LCORL: variants seen among roughly 807,000 people sequenced by gnomAD.
LCORL encodes ligand-dependent nuclear receptor corepressor-like protein.
In LCORL, 41 loss-of-function variants were observed where a neutral mutation model predicts 141.8. That is an observed-to-expected ratio of 0.29 (90% CI 0.23 to 0.38). The LOEUF (loss-of-function observed/expected upper bound fraction) is 0.38. Among genes scored for constraint, LCORL ranks in the 10% least tolerant of loss-of-function variants. The pLI is 1.00. For synonymous variants in LCORL, 618 were observed against 694.1 expected, an observed-to-expected ratio of 0.89 and a Z score of 1.72; for missense variants, 1,759 against 2,035.0, an observed-to-expected ratio of 0.86 and a Z score of 2.61.
intron 4 of LCORL, among the ~76,000 whole-genome samples, chr4:17,916,333 A>G (rs757292232): frequency 1.6e-4 from 24 of 152,188 alleles, no homozygotes; most frequent in Non-Finnish European, 2.9e-4. Flanking sequence ...CTTTCTGTGA[A>G]GCAAGCATCA....
At chr4:17,910,930 T>G (rs1732419179) in intron 4 of LCORL, among the ~76,000 whole-genome samples, 1 of 152,200 alleles carries the variant, frequency 6.6e-6, no homozygotes. Flanking sequence ...TCACTTCCAT[T>G]GTTTGTTTAG....
chr4:17,970,610 T>C (rs1236313162), intron 2 of LCORL, among the ~76,000 whole-genome samples: 2 of 152,158 alleles, frequency 1.3e-5, no homozygotes, highest in African/African-American at 4.8e-5. Context: ...AGGGCTTCAA[T>C]GGGCAATAAA....
chr4:17,878,271 T>C, intron 6 of LCORL, 58 bp from the exon 7 acceptor site: 3 of 1,135,778 alleles, frequency 2.6e-6, no homozygotes, highest in Non-Finnish European at 3.3e-6. Context: ...TATAAGGAGT[T>C]ATAATTTTAA....
At chr4:17,909,767 A>G (rs1215338319) in intron 4 of LCORL, among the ~76,000 whole-genome samples, 3 of 152,132 alleles carry the variant, frequency 2.0e-5, no homozygotes, top group Non-Finnish European at 4.4e-5. Flanking sequence ...GAAAACGTCT[A>G]AATTCTTATA....
intron 7 of LCORL, among the ~76,000 whole-genome samples, chr4:17,856,563 C>T (rs1383494257): frequency 6.6e-6 from 1 of 152,090 alleles, no homozygotes; most frequent in African/African-American, 2.4e-5. Flanking sequence ...TGTGGTAGCC[C>T]AAGGAGACTA....
intron 1 of LCORL, among the ~76,000 whole-genome samples, chr4:18,019,803 C>T (rs1278649906): frequency 6.6e-6 from 1 of 152,166 alleles, no homozygotes; most frequent in Non-Finnish European, 1.5e-5. Flanking sequence ...TGTCATCCTA[C>T]CTAATTCTAC....
chr4:17,864,265 C>T (rs1194080889), intron 7 of LCORL, among the ~76,000 whole-genome samples: 2 of 152,094 alleles, frequency 1.3e-5, no homozygotes, highest in Non-Finnish European at 2.9e-5. Context: ...CATTCTGTTG[C>T]CCAGCCTGGA....
chr4:17,955,551 T>C (rs536936732), intron 4 of LCORL, among the ~76,000 whole-genome samples: 11 of 152,174 alleles, frequency 7.2e-5, no homozygotes, highest in African/African-American at 2.4e-4. Context: ...GTAGAGTATA[T>C]AGTATAATAG....
intron 6 of LCORL, chr4:17,880,688 G>T: frequency 2.1e-6 from 2 of 973,972 alleles, no homozygotes; most frequent in Non-Finnish European, 2.4e-6. Context: ...CAAAAGCATT[G>T]AAGTGCTTTA....
At chr4:17,953,062 C>T (rs1391161285) in intron 4 of LCORL, among the ~76,000 whole-genome samples, 1 of 152,066 alleles carries the variant, frequency 6.6e-6, no homozygotes, top group Non-Finnish European at 1.5e-5. Flanking sequence ...CATGTTGCTG[C>T]AAAGGACATG....
At chr4:17,959,610 T>G (rs868032671) in intron 4 of LCORL, among the ~76,000 whole-genome samples, 10 of 152,066 alleles carry the variant, frequency 6.6e-5, no homozygotes, top group Non-Finnish European at 1.2e-4. Flanking sequence ...ATATTTATCA[T>G]TAGCACCATC....
intron 4 of LCORL, among the ~76,000 whole-genome samples, chr4:17,955,518 A>G (rs962958383): frequency 2.6e-5 from 4 of 152,196 alleles, no homozygotes; most frequent in Non-Finnish European, 5.9e-5. Flanking sequence ...GCAGAAGGCA[A>G]CAGATAACAA....
chr4:17,875,198 T>C, exon 7 of LCORL: 2 of 1,231,778 alleles, frequency 1.6e-6, no homozygotes, highest in Non-Finnish European at 2.0e-6. Flanking sequence ...GAGGTGAAGT[T>C]CTATTAATAG....
intron 1 of LCORL, among the ~76,000 whole-genome samples, chr4:18,011,778 T>C (rs759558945): frequency 1.3e-5 from 2 of 152,226 alleles, no homozygotes; most frequent in East Asian, 1.9e-4. Context: ...GTAGCTGCAA[T>C]AGAGACCAGA....
At chr4:17,899,052 CTA>C (rs1177567529) in intron 5 of LCORL, among the ~76,000 whole-genome samples, 1 of 152,070 alleles carries the variant, frequency 6.6e-6, no homozygotes, top group South Asian at 2.1e-4. Context: ...GAGTATTTTC[CTA>C]TGTTTAAGGG....
rs1374815646 is a variant in LCORL, at chr4:17,998,985, A to AAAAAATATAT, written c.154+22612_154+22613insATATATTTTT. 1.5e-3 allele frequency among the ~76,000 whole-genome samples: 85 copies of AAAAAATATAT among 57,872 alleles called. 2 individuals are homozygous for AAAAAATATAT. The highest frequency in any genetic ancestry group is 2.1e-3 in the Non-Finnish European group (64 of 30,178). 38.0% of individuals were successfully genotyped at this position (57,872 alleles called of 152,430 possible). On this transcript the variant is annotated intron_variant, in intron 1 of 7. Transcript: ENST00000635767. ...GTCTCAAAAAAAAAAAAAAAAAAAA[A>AAAAAATATAT]ATATATATATATATATATACACACA...
intron 4 of LCORL, among the ~76,000 whole-genome samples, chr4:17,953,217 G>A (rs538686190): frequency 4.3e-4 from 66 of 152,254 alleles, no homozygotes; most frequent in Non-Finnish European, 7.6e-4. Flanking sequence ...ATGTATGCAT[G>A]GGCCTTTATG....
At chr4:17,914,429 A>C (rs2109346704) in intron 4 of LCORL, among the ~76,000 whole-genome samples, 1 of 152,334 alleles carries the variant, frequency 6.6e-6, no homozygotes, top group South Asian at 2.1e-4. Flanking sequence ...AATTTACAGC[A>C]AAGTTTAAAG....
At chr4:17,935,346 A>G (rs1185190105) in intron 4 of LCORL, among the ~76,000 whole-genome samples, 1 of 152,198 alleles carries the variant, frequency 6.6e-6, no homozygotes, top group East Asian at 1.9e-4. Flanking sequence ...CCATGAAAAA[A>G]AATACTACTC....
Sources: allele counts gnomAD v4.1 joint callset (sites outside exome capture counted in the v4.1 genomes callset), GRCh38; gene constraint gnomAD v4.1.1; transcripts MANE v1.5; gene names NCBI Gene and HGNC (gene_info 2026-07-23, HGNC 2026-07-21).